TMEM65: variants seen among roughly 807,000 people sequenced by gnomAD.
The protein encoded by TMEM65 is transmembrane protein 65.
A neutral mutation model predicts 25.4 loss-of-function variants in TMEM65; 22 were observed. The observed-to-expected ratio is 0.86, with a 90% CI of 0.62 to 1.23. TMEM65 has a LOEUF of 1.23. Ranked by LOEUF, TMEM65 falls within the 50% of genes most tolerant of loss-of-function variation. The pLI, the probability that TMEM65 is intolerant of heterozygous loss-of-function variation, is 0.00. For missense variants in TMEM65, 262 were observed against 308.2 expected, an observed-to-expected ratio of 0.85 and a Z score of 1.12; for synonymous variants, 132 against 126.2, an observed-to-expected ratio of 1.05 and a Z score of -0.31.
At chr8:124,363,556 ATC>A (rs1359047989) in intron 1 of TMEM65, among the ~76,000 whole-genome samples, 1 of 152,030 alleles carries the variant, frequency 6.6e-6, no homozygotes, top group Non-Finnish European at 1.5e-5. Flanking sequence ...TGATGTAGAC[ATC>A]CATGTAAAAC....
intron 2 of TMEM65, among the ~76,000 whole-genome samples, chr8:124,328,997 T>C (rs898540984): frequency 4.6e-5 from 7 of 151,982 alleles, no homozygotes; most frequent in Non-Finnish European, 8.8e-5. Context: ...AAGAATACTA[T>C]TATATTCAAT....
chr8:124,317,595 G>A (rs1389805057), intron 6 of TMEM65, among the ~76,000 whole-genome samples: 2 of 152,102 alleles, frequency 1.3e-5, no homozygotes, highest in African/African-American at 2.4e-5. Flanking sequence ...TTTTCATTTT[G>A]TGAATCTGTA....
At chr8:124,353,202 G>T (rs897388357) in intron 1 of TMEM65, among the ~76,000 whole-genome samples, 3 of 152,138 alleles carry the variant, frequency 2.0e-5, no homozygotes, top group African/African-American at 7.2e-5. Flanking sequence ...GTGGCTCAGG[G>T]TGTCAGTGCC....
chr8:124,337,076 C>T (rs1295211826), intron 1 of TMEM65, among the ~76,000 whole-genome samples: 1 of 151,706 alleles, frequency 6.6e-6, no homozygotes. Context: ...ATTAAGCAAA[C>T]AAAAATCTGA....
chr8:124,356,922 G>C (rs1423365425), intron 1 of TMEM65, among the ~76,000 whole-genome samples: 2 of 151,934 alleles, frequency 1.3e-5, no homozygotes, highest in African/African-American at 4.8e-5. Flanking sequence ...TGTCCAGGCT[G>C]GTCTCAAACT....
chr8:124,363,852 A>C (rs1201640848), intron 1 of TMEM65, among the ~76,000 whole-genome samples: 1 of 149,814 alleles, frequency 6.7e-6, no homozygotes, highest in Non-Finnish European at 1.5e-5. Context: ...AAAAAAAAAA[A>C]AAAAAAAAAA....
intron 3 of TMEM65, among the ~76,000 whole-genome samples, chr8:124,327,153 A>G (rs1368584576): frequency 6.6e-6 from 1 of 152,000 alleles, no homozygotes; most frequent in East Asian, 1.9e-4. Flanking sequence ...ATTTGTCTAA[A>G]TGCTTTACCT....
At chr8:124,353,106 G>A (rs144767794) in intron 1 of TMEM65, among the ~76,000 whole-genome samples, 7,182 of 151,876 alleles carry the variant, frequency 0.047, 208 homozygotes, top group Non-Finnish European at 0.062. Flanking sequence ...CAGCCTAGGT[G>A]ACAGAGGGAG....
intron 1 of TMEM65, among the ~76,000 whole-genome samples, chr8:124,331,714 T>C (rs996453936): frequency 3.3e-5 from 5 of 151,926 alleles, no homozygotes; most frequent in Admixed American, 3.3e-4. Context: ...AATTAATTGT[T>C]ATCATATAGA....
At chr8:124,339,860 GA>G (rs111956737) in intron 1 of TMEM65, among the ~76,000 whole-genome samples, 255 of 148,352 alleles carry the variant, frequency 1.7e-3, no homozygotes, top group Middle Eastern at 7.0e-3. Flanking sequence ...TGTATTTTTG[GA>G]AAAAAAAAAT....
chr8:124,326,616 T>C (rs1297233361), intron 3 of TMEM65, among the ~76,000 whole-genome samples: 1 of 152,070 alleles, frequency 6.6e-6, no homozygotes, highest in Non-Finnish European at 1.5e-5. Context: ...GATAAATTCA[T>C]AAGCTGTAGC....
chr8:124,316,000 C>T (rs1022574333), intron 6 of TMEM65, among the ~76,000 whole-genome samples: 1 of 152,210 alleles, frequency 6.6e-6, no homozygotes, highest in Non-Finnish European at 1.5e-5. Flanking sequence ...GCCCCACTTT[C>T]ACTTCCCACC....
chr8:124,320,315 C>G (rs970392772), intron 5 of TMEM65, 124 bp from the exon 6 acceptor site: 39 of 560,370 alleles, frequency 7.0e-5, no homozygotes, highest in African/African-American at 6.6e-4. Flanking sequence ...TGCAAATGTC[C>G]TCATATAGTA....
At chr8:124,354,694 C>T (rs988327075) in intron 1 of TMEM65, among the ~76,000 whole-genome samples, 10 of 152,192 alleles carry the variant, frequency 6.6e-5, no homozygotes, top group African/African-American at 2.2e-4. Context: ...GAGGCTTCCA[C>T]TGAAACTATA....
intron 3 of TMEM65, among the ~76,000 whole-genome samples, chr8:124,325,308 A>G (rs753751235): frequency 7.2e-5 from 11 of 152,006 alleles, no homozygotes; most frequent in Non-Finnish European, 1.6e-4. Context: ...AAGATGAAAA[A>G]CATTCTTAAG....
intron 1 of TMEM65, among the ~76,000 whole-genome samples, chr8:124,362,643 T>C (rs115903790): frequency 0.036 from 4,261 of 118,398 alleles, 237 homozygotes; most frequent in African/African-American, 0.13. Flanking sequence ...GCCTTGGTGA[T>C]AGAGCAAGAC....
intron 3 of TMEM65, among the ~76,000 whole-genome samples, chr8:124,324,667 A>G (rs1288460570): frequency 6.6e-6 from 1 of 152,050 alleles, no homozygotes; most frequent in Non-Finnish European, 1.5e-5. Context: ...CTTGCAATAC[A>G]TACATTTAAA....
At chr8:124,353,825 A>T (rs558698718) in intron 1 of TMEM65, among the ~76,000 whole-genome samples, 1 of 152,352 alleles carries the variant, frequency 6.6e-6, no homozygotes, top group East Asian at 1.9e-4. Flanking sequence ...ACTGAATAGA[A>T]TATATTGATA....
Position 124,311,154 on chromosome 8 carries a change from T to A in TMEM65, c.*2806A>T, listed in dbSNP as rs1237108394. 6.6e-6 allele frequency: 1 copy of A among 152,216 alleles called. No homozygotes were observed. The highest frequency in any genetic ancestry group is 1.5e-5 in the Non-Finnish European group (1 of 68,032). The allele number at this position is 152,216 out of a possible 1,614,324, so 9.4% of individuals were successfully genotyped here. A position where few individuals can be genotyped will look rare whatever the true frequency, so the allele number is the denominator to read the frequency against. Reference sequence around the variant, plus strand: ...TGTAAATACCCATCAGTGTGACTTATGTGAGTCTATCTAAAGCTTTTCTAT... The same window carrying A: ...TGTAAATACCCATCAGTGTGACTTAAGTGAGTCTATCTAAAGCTTTTCTAT... On this transcript the variant is annotated 3_prime_UTR_variant, in exon 7 of 7. Coordinates refer to ENST00000297632, the MANE Select transcript of TMEM65 (RefSeq NM_194291.3).
Sources: gnomAD v4.1 joint callset for allele counts (sites outside exome capture counted in the v4.1 genomes callset) on GRCh38, gnomAD v4.1.1 for gene constraint, MANE v1.5 for transcripts, NCBI Gene and HGNC (gene_info 2026-07-23, HGNC 2026-07-21) for gene names.